The following LPAR1 variants were observed in gnomAD, a reference collection of about 807,000 sequenced individuals.
The protein encoded by LPAR1 is LPA receptor 1.
A neutral mutation model predicts 23.8 loss-of-function variants in LPAR1; 5 were observed. The observed-to-expected ratio is 0.21, with a 90% CI of 0.11 to 0.44. The LOEUF is 0.44. Among genes scored for constraint, LPAR1 ranks in the 20% least tolerant of loss-of-function variants. The pLI, the probability that LPAR1 is intolerant of heterozygous loss-of-function variation, is 0.99. For missense variants in LPAR1, 311 were observed against 482.8 expected (o/e 0.64, Z 3.33); for synonymous variants, 160 against 164.7 (o/e 0.97, Z 0.22).
At chr9:110,942,807 C>A (rs1448333381) in intron 4 of LPAR1, among the ~76,000 whole-genome samples, 2 of 152,178 alleles carry the variant, frequency 1.3e-5, no homozygotes, top group Non-Finnish European at 2.9e-5. Flanking sequence ...GACTTGTCAA[C>A]CAATCTATGA....
At chr9:110,889,250 C>A (rs1363197081) in intron 5 of LPAR1, among the ~76,000 whole-genome samples, 1 of 151,962 alleles carries the variant, frequency 6.6e-6, no homozygotes, top group Non-Finnish European at 1.5e-5. Flanking sequence ...CTCAGCTACT[C>A]GGGAGGCTGA....
chr9:110,886,690 C>T lies in LPAR1; in HGVS notation c.794-10968G>A, dbSNP rs533948336. On this transcript the variant is annotated intron_variant, in intron 5 of 5. Transcript: ENST00000683809. ...GACCCAATCAAAAACAATGGTACCA[C>T]ATATATTCTTCACATAGAAAATAAC... Among the ~76,000 whole-genome samples the T allele has an allele frequency of 2.0e-5, 3 of 152,236 alleles. No individual in the cohort carries two copies. In the South Asian group the frequency reaches 6.2e-4, roughly 32 times the overall value.
chr9:111,030,717 A>G (rs3739706), intron 2 of LPAR1, among the ~76,000 whole-genome samples: 126,527 of 152,178 alleles, frequency 0.83, 52,700 homozygotes, highest in East Asian at 0.95. Flanking sequence ...TAGTTTTCTT[A>G]TTCCCGTTTA....
chr9:110,961,319 T>TA lies in LPAR1; in HGVS notation c.45+10753dup, dbSNP rs1268284077. Among the ~76,000 whole-genome samples, 144 of 147,608 alleles carry TA rather than the reference T, an allele frequency of 9.8e-4. 1 individual carries two copies. The highest frequency in any genetic ancestry group is 3.1e-3 in the African/African-American group (125 of 40,098). On this transcript the variant is annotated intron_variant, in intron 4 of 5. Transcript: ENST00000683809. ...AAATACCCAACACTGGGTAACTTAT[T>TA]AAAAAAAAAAGAGGTTTAGGGCCAG...
At chr9:110,992,475 T>C (rs1469951728) in intron 2 of LPAR1, among the ~76,000 whole-genome samples, 1 of 152,248 alleles carries the variant, frequency 6.6e-6, no homozygotes, top group Non-Finnish European at 1.5e-5. Context: ...TTCTGCCATT[T>C]AACTCCTAGG....
chr9:110,941,454 T>C lies in LPAR1; in HGVS notation c.760A>G (p.Met254Val). The C allele has an allele frequency of 9.9e-6, 16 of 1,613,778 alleles. No individual in the cohort carries two copies. The highest frequency in any genetic ancestry group is 1.4e-5 in the Non-Finnish European group (16 of 1,179,868). ...ATGACCACAGTCTTCAGAAGACTCATCATGGTATCCCGATTCCGCCGGGGT... is the reference window on the plus strand; with the variant it reads ...ATGACCACAGTCTTCAGAAGACTCACCATGGTATCCCGATTCCGCCGGGGT... ...SGPRRNRDTM[M>V]SLLKTVVIVL... The change falls in exon 5 of 6, where the codon ATG becomes GTG. Residue 254 changes from methionine (M) to valine (V), a missense_variant. By Grantham distance (21) the Met-to-Val change is conservative. This residue lies in a region of LPAR1 where 250 missense variants were observed against 427.2 expected (regional missense o/e 0.59). Coordinates refer to ENST00000683809, the MANE Select transcript of LPAR1 (RefSeq NM_001351411.2). This position sits in a 1 kb window ranked among gnomAD's most constrained non-coding sequence, Gnocchi z 6.1.
At chr9:110,971,369 T>C (rs1415405357) in intron 4 of LPAR1, among the ~76,000 whole-genome samples, 2 of 152,170 alleles carry the variant, frequency 1.3e-5, no homozygotes, top group Admixed American at 1.3e-4. Flanking sequence ...TAGGGCTCTT[T>C]ATCCTGCAAT....
chr9:110,914,813 G>A (rs2092899555), intron 5 of LPAR1, among the ~76,000 whole-genome samples: 1 of 152,110 alleles, frequency 6.6e-6, no homozygotes, highest in Non-Finnish European at 1.5e-5. Flanking sequence ...TGCTTGCTGA[G>A]ATGATACTTC....
At chr9:110,879,789 C>T (rs189901896) in intron 5 of LPAR1, among the ~76,000 whole-genome samples, 201 of 152,254 alleles carry the variant, frequency 1.3e-3, no homozygotes, top group African/African-American at 4.6e-3. Context: ...AGGACAGCAG[C>T]ACTGGGAAGA....
At chr9:111,027,938 A>G (rs2097725873) in intron 2 of LPAR1, among the ~76,000 whole-genome samples, 1 of 151,476 alleles carries the variant, frequency 6.6e-6, no homozygotes, top group African/African-American at 2.4e-5. Flanking sequence ...GGGAATGACT[A>G]AACATAATTA....
At chr9:111,032,337 A>C (rs2097813323) in intron 2 of LPAR1, among the ~76,000 whole-genome samples, 1 of 151,916 alleles carries the variant, frequency 6.6e-6, no homozygotes, top group South Asian at 2.1e-4. Flanking sequence ...CCACCACCTC[A>C]CCGCTGAGGG....
intron 2 of LPAR1, among the ~76,000 whole-genome samples, chr9:111,016,523 C>T (rs1029195741): frequency 1.3e-5 from 2 of 152,200 alleles, no homozygotes; most frequent in Admixed American, 6.5e-5. Context: ...CTTCCTTCTA[C>T]TCCCTGAAGT....
upstream of LPAR1, chr9:111,038,840 G>T: frequency 3.1e-6 from 1 of 323,010 alleles, no homozygotes. This position sits in a 1 kb window ranked among gnomAD's most constrained non-coding sequence, Gnocchi z 4.4. Flanking sequence ...CCGCCAGCTC[G>T]GGTCCCACCC....
intron 3 of LPAR1, among the ~76,000 whole-genome samples, chr9:110,972,486 G>A (rs2096455417): frequency 1.3e-5 from 2 of 152,168 alleles, no homozygotes; most frequent in South Asian, 2.1e-4. Flanking sequence ...TCAAGTTGCA[G>A]AGCTGAGGAG....
In LPAR1 at chr9:110,875,385, A is replaced by C; in HGVS notation, c.*36T>G. ...GTAGGGGGAGGCTGTTTATCCTCCA[A>C]GAGAGGACGGCTGGTTCCTCATCTC... On this transcript the variant is annotated 3_prime_UTR_variant, in exon 6 of 6. Coordinates refer to ENST00000683809, the MANE Select transcript of LPAR1 (RefSeq NM_001351411.2). 6.4e-7 allele frequency: 1 copy of C among 1,569,420 alleles called. No individual in the cohort carries two copies. Among genetic ancestry groups the C allele is most frequent in the East Asian group, 2.3e-5 (1 of 44,086 alleles).
At chr9:110,877,048 A>G (rs1194307157) in intron 5 of LPAR1, among the ~76,000 whole-genome samples, 1 of 152,146 alleles carries the variant, frequency 6.6e-6, no homozygotes, top group Non-Finnish European at 1.5e-5. Flanking sequence ...CGGAAGTAGG[A>G]GCAACCCCAG....
At chr9:110,973,310 G>T (rs116155559) in intron 3 of LPAR1, among the ~76,000 whole-genome samples, 171 bp downstream of exon 3, 1 of 152,098 alleles carries the variant, frequency 6.6e-6, no homozygotes. Context: ...AAAAATTGAG[G>T]CTTAGAGAAG....
chr9:111,026,907 T>C (rs945382406), intron 2 of LPAR1, among the ~76,000 whole-genome samples: 1 of 152,226 alleles, frequency 6.6e-6, no homozygotes, highest in South Asian at 2.1e-4. Flanking sequence ...AGCTTTTTAA[T>C]GTGCTGCTGG....
intron 5 of LPAR1, among the ~76,000 whole-genome samples, chr9:110,898,755 G>C (rs2087457557): frequency 6.6e-6 from 1 of 152,150 alleles, no homozygotes; most frequent in Admixed American, 6.5e-5. Context: ...GAAATCTCTG[G>C]CTAACTAAAC....
Sources: allele counts gnomAD v4.1 joint callset (sites outside exome capture counted in the v4.1 genomes callset), GRCh38; gene constraint gnomAD v4.1.1; regional missense constraint gnomAD v4.1.1; non-coding constraint Gnocchi (gnomAD v3.1); transcripts MANE v1.5; gene names NCBI Gene and HGNC (gene_info 2026-07-23, HGNC 2026-07-21).